The following TF variants were observed in gnomAD, a reference collection of about 807,000 sequenced individuals.
TF encodes the protein transferrin.
In TF, 55 loss-of-function variants were observed where a neutral mutation model predicts 82.4. The ratio of observed to expected loss-of-function variants is 0.67; its 90% CI spans 0.54 to 0.84. The LOEUF (loss-of-function observed/expected upper bound fraction) is 0.84, where lower values mean the gene tolerates loss of function less well. Among genes scored for constraint, TF ranks in the 40% least tolerant of loss-of-function variants. TF has a pLI of 0.00. For missense variants in TF, 737 were observed against 868.4 expected (o/e 0.85, Z 1.90); for synonymous variants, 332 against 332.6 (o/e 1.00, Z 0.02).
chr3:133,784,389 C>G lies in TF; in HGVS notation c.*5769C>G, dbSNP rs778631300. The G allele has an allele frequency of 6.6e-6, 1 of 151,028 alleles. No homozygotes were observed. Among genetic ancestry groups the G allele is most frequent in the African/African-American group, 2.4e-5 (1 of 41,010 alleles). The allele number at this position is 151,028 out of a possible 1,614,324, so 9.4% of individuals were successfully genotyped here. A position where few individuals can be genotyped will look rare whatever the true frequency, so the allele number is the denominator to read the frequency against. The stretch of plus-strand genomic sequence containing the variant: ...TTTTAAAAGAAAACATTTGCTACAT[C>G]GAGCCGTTCTAGGTGTAAAGAGGTT... On this transcript the variant is annotated 3_prime_UTR_variant, in exon 17 of 17. Coordinates refer to ENST00000402696, the MANE Select transcript of TF (RefSeq NM_001063.4).
the TF span, among the ~76,000 whole-genome samples, chr3:133,718,815 C>A: frequency 6.6e-6 from 1 of 152,148 alleles, no homozygotes; most frequent in African/African-American, 2.4e-5. Context: ...AGGAAGGTTT[C>A]TTTTTGTTTA....
the TF span, among the ~76,000 whole-genome samples, chr3:133,686,489 A>T: frequency 5.3e-5 from 8 of 152,366 alleles, no homozygotes; most frequent in East Asian, 1.3e-3. Context: ...AAAGAAGTTA[A>T]ACAAATTTAC....
chr3:133,769,692 A>G (rs1453599186), intron 13 of TF, among the ~76,000 whole-genome samples: 1 of 152,210 alleles, frequency 6.6e-6, no homozygotes, highest in African/African-American at 2.4e-5. Flanking sequence ...ATTAAAGTAC[A>G]TGGAGAGCAG....
chr3:133,733,316 A>G, the TF span, among the ~76,000 whole-genome samples: 50 of 152,058 alleles, frequency 3.3e-4, no homozygotes, highest in Non-Finnish European at 4.6e-4. Context: ...CAGGCTGCCT[A>G]TTTCACAGTT....
At chr3:133,727,482 G>A in the TF span, among the ~76,000 whole-genome samples, 1 of 115,812 alleles carries the variant, frequency 8.6e-6, no homozygotes, top group African/African-American at 3.3e-5. Flanking sequence ...TGCAACCCCT[G>A]CCTTTTTTTG....
the TF span, among the ~76,000 whole-genome samples, chr3:133,732,535 A>G: frequency 4.7e-4 from 72 of 152,360 alleles, no homozygotes; most frequent in African/African-American, 1.7e-3. Context: ...TCCTTTTCAC[A>G]GTGTGGAAGT....
chr3:133,684,979 A>G, the TF span, among the ~76,000 whole-genome samples: 2 of 152,250 alleles, frequency 1.3e-5, no homozygotes, highest in African/African-American at 4.8e-5. Flanking sequence ...AACCAAATCC[A>G]GCAGCACATC....
rs2107943241 is a variant in TF at position 133,784,658 on chromosome 3, G to T, written c.*6038G>T. 1 of 152,104 alleles carries T rather than the reference G, an allele frequency of 6.6e-6. No homozygotes were observed. The highest frequency in any genetic ancestry group is 2.4e-5 in the African/African-American group (1 of 41,508). The allele number at this position is 152,104 out of a possible 1,614,324, so 9.4% of individuals were successfully genotyped here. A position where few individuals can be genotyped will look rare whatever the true frequency, so the allele number is the denominator to read the frequency against. ...GATCTAGGTTGCACGCTCCTTATGA[G>T]ACTCTAATAATGCCTGATGATCTGA... On this transcript the variant is annotated 3_prime_UTR_variant, in exon 17 of 17. Coordinates refer to ENST00000402696, the MANE Select transcript of TF (RefSeq NM_001063.4).
rs1934949850 is a variant in TF, at chr3:133,795,698, C to G, written c.*17078C>G. The G allele has an allele frequency of 6.6e-6, 1 of 151,660 alleles. No individual in the cohort carries two copies. The highest frequency in any genetic ancestry group is 1.5e-5 in the Non-Finnish European group (1 of 68,092). 9.4% of individuals were successfully genotyped at this position (151,660 alleles called of 1,614,324 possible). On this transcript the variant is annotated 3_prime_UTR_variant, in exon 17 of 17. Transcript: ENST00000402696. ...TCACGCCATTTTTCTGTCTCAGCCT[C>G]CCGAGTAGCTGGGACTACAGGCACC...
chr3:133,764,217 G>A lies in TF; in HGVS notation c.1239G>A (p.Gly413=), dbSNP rs1216833909. Residue 413 remains glycine (G), a synonymous_variant, in exon 10 of 17, where the codon GGG becomes GGA. Transcript: ENST00000402696. ...GEADAMSLDG[G]FVYIAGKCGL... is the part of the protein sequence containing the mutation. ...CTGATGCCATGAGCTTGGATGGAGG[G>A]TTTGTCTACATAGCGGGCAAGTGTG... 2 of 1,613,954 alleles carry A rather than the reference G, an allele frequency of 1.2e-6. No homozygotes were observed. Among genetic ancestry groups the A allele is most frequent in the East Asian group, 2.2e-5 (1 of 44,874 alleles).
the TF span, among the ~76,000 whole-genome samples, chr3:133,698,574 T>C: frequency 6.6e-6 from 1 of 152,194 alleles, no homozygotes; most frequent in Non-Finnish European, 1.5e-5. Flanking sequence ...GACACATCAC[T>C]CCAATCTCTG....
chr3:133,755,650 C>T, intron 5 of TF, 155 bp downstream of exon 5: 1 of 1,010,276 alleles, frequency 9.9e-7, no homozygotes, highest in African/African-American at 1.6e-5. Context: ...ACCTGGGACT[C>T]CTAGGCCAAG....
At position 133,756,914 on chromosome 3, in the gene TF, G is replaced by T. The variant is rs1180434473; in HGVS notation, c.775G>T (p.Asp259Tyr). 6.2e-7 allele frequency: 1 copy of T among 1,614,094 alleles called. No individual in the cohort carries two copies. Among genetic ancestry groups the T allele is most frequent in the African/African-American group, 1.3e-5 (1 of 74,932 alleles). ...CCGGAAGCCGGTAGATGAATACAAG[G>T]ACTGCCACTTGGCCCAGGTCCCTTC... ...NTRKPVDEYKDCHLAQVPSHT... is the reference protein window; with the variant it reads ...NTRKPVDEYKYCHLAQVPSHT... Residue 259 changes from aspartate to tyrosine, a missense_variant, in exon 7 of 17, where the codon GAC becomes TAC. Coordinates refer to ENST00000402696, the MANE Select transcript of TF (RefSeq NM_001063.4).
chr3:133,765,508 A>G (rs1934105857), intron 11 of TF, among the ~76,000 whole-genome samples: 1 of 152,184 alleles, frequency 6.6e-6, no homozygotes, highest in South Asian at 2.1e-4. Flanking sequence ...CTGGCCCCCT[A>G]TGCTCAGGCC....
chr3:133,790,518 G>A lies in TF; in HGVS notation c.*11898G>A, dbSNP rs979801658. 14 of 152,308 alleles carry A rather than the reference G, an allele frequency of 9.2e-5. No individual in the cohort carries two copies. The highest frequency in any genetic ancestry group is 2.9e-4 in the African/African-American group (12 of 41,574). 9.4% of individuals were successfully genotyped at this position (152,308 alleles called of 1,614,324 possible). A position where few individuals can be genotyped will look rare whatever the true frequency, so the allele number is the denominator to read the frequency against. On this transcript the variant is annotated 3_prime_UTR_variant, in exon 17 of 17. Transcript: ENST00000402696. ...ACCAGTAAGTAGAGGAGAACGATAT[G>A]GAAAAAGTTTAGATAATAAAATATT...
the TF span, among the ~76,000 whole-genome samples, chr3:133,740,986 A>ATT: frequency 0.11 from 5,202 of 47,594 alleles, 697 homozygotes; most frequent in Middle Eastern, 0.17. Flanking sequence ...ATCCAGCTCT[A>ATT]TTTTTTTTTT....
At chr3:133,697,006 G>A in the TF span, among the ~76,000 whole-genome samples, 1 of 152,136 alleles carries the variant, frequency 6.6e-6, no homozygotes, top group Non-Finnish European at 1.5e-5. Flanking sequence ...TCTGCTACTT[G>A]AGGAGAATTT....
At position 133,751,334 on chromosome 3, in the gene TF, G is replaced by A. The variant is rs182745439; in HGVS notation, c.217-2261G>A. On this transcript the variant is annotated intron_variant, in intron 2 of 16. Transcript: ENST00000402696. ...TGCAAGCTCCGCCTCCCGGGTTCAC[G>A]CCATTCTCCTGCCTCAGCCTCCCGT... Among the ~76,000 whole-genome samples the A allele has an allele frequency of 7.2e-4, 107 of 147,788 alleles. 1 individual carries two copies. The highest frequency in any genetic ancestry group is 2.2e-3 in the African/African-American group (89 of 40,098).
the TF span, among the ~76,000 whole-genome samples, chr3:133,708,239 A>C: frequency 5.3e-5 from 8 of 152,326 alleles, no homozygotes; most frequent in East Asian, 1.3e-3. Context: ...TGATGTAGCC[A>C]TATCTATCAC....
Sources: allele counts gnomAD v4.1 joint callset (sites outside exome capture counted in the v4.1 genomes callset), GRCh38; gene constraint gnomAD v4.1.1; transcripts MANE v1.5; gene names NCBI Gene and HGNC (gene_info 2026-07-23, HGNC 2026-07-21).